The following PIK3CD variants were observed in gnomAD, a reference collection of about 807,000 sequenced individuals.
PIK3CD encodes the protein phosphatidylinositol-4,5-bisphosphate 3-kinase catalytic subunit delta, also known as phosphatidylinositol 4,5-bisphosphate 3-kinase catalytic subunit delta isoform.
PIK3CD carries 20 observed loss-of-function variants against 122.9 expected under a neutral mutation model. The observed-to-expected ratio is 0.16, with a 90% CI of 0.11 to 0.24. The LOEUF (loss-of-function observed/expected upper bound fraction) is 0.24, where lower values mean the gene tolerates loss of function less well. Ranked by LOEUF, PIK3CD falls within the 10% of genes least tolerant of loss-of-function variation. The pLI, the probability that PIK3CD is intolerant of heterozygous loss-of-function variation, is 1.00. For synonymous variants in PIK3CD, 596 were observed against 593.4 expected, an observed-to-expected ratio of 1.00 and a Z score of -0.06; for missense variants, 787 against 1,406.3, an observed-to-expected ratio of 0.56 and a Z score of 7.04.
Position 9,720,005 on chromosome 1 carries a change from C to T in PIK3CD, c.1327C>T (p.Pro443Ser), listed in dbSNP as rs1648245824. Residue 443 changes from proline (P) to serine (S), a missense_variant, in exon 10 of 24, where the codon CCC (proline) becomes TCC (serine). Around this residue, in one of 6 missense-constraint regions of PIK3CD, gnomAD observed 592 missense variants for 920.6 expected, o/e 0.64. Transcript: ENST00000377346. The surrounding 1 kb of genome is among the most constrained non-coding windows in gnomAD (Gnocchi z 9.0). Reference sequence around the variant, plus strand: ...CGGGGAACGCTGCCTCTACATGTGGCCCTCCGTCCCAGGTCGGCCCAGGCC... The same window carrying T: ...CGGGGAACGCTGCCTCTACATGTGGTCCTCCGTCCCAGGTCGGCCCAGGCC... Reference protein sequence around the residue: ...KTGERCLYMWPSVPDEKGELL... With the variant: ...KTGERCLYMWSSVPDEKGELL... The T allele has an allele frequency of 6.2e-7, 1 of 1,613,508 alleles. No individual in the cohort carries two copies. The highest frequency in any genetic ancestry group is 8.5e-7 in the Non-Finnish European group (1 of 1,180,000).
Position 9,717,414 on chromosome 1 carries a change from C to T in PIK3CD, c.931-123C>T, listed in dbSNP as rs1306583801. The T allele has an allele frequency of 1.7e-5, 17 of 1,023,082 alleles. No homozygotes were observed. In the East Asian group the frequency reaches 2.0e-4, roughly 12 times the overall value. The allele number at this position is 1,023,082 out of a possible 1,614,324, so 63.4% of individuals were successfully genotyped here. A position where few individuals can be genotyped will look rare whatever the true frequency, so the allele number is the denominator to read the frequency against. ...GAAAGGATAGCATTGTGGACAGGCC[C>T]AAACCTGGCCGCAAACCTGTGACCC... On this transcript the variant is annotated intron_variant, in intron 7 of 23. Coordinates refer to ENST00000377346, the MANE Select transcript of PIK3CD (RefSeq NM_005026.5). The surrounding 1 kb of genome is among the most constrained non-coding windows in gnomAD (Gnocchi z 5.4).
Position 9,689,479 on chromosome 1 carries a change from C to G in PIK3CD, c.-137-1988C>G, listed in dbSNP as rs1235824529. On this transcript the variant is annotated intron_variant, in intron 1 of 23. Coordinates refer to ENST00000377346, the MANE Select transcript of PIK3CD (RefSeq NM_005026.5). The surrounding 1 kb of genome is among the most constrained non-coding windows in gnomAD (Gnocchi z 6.1). ...CCCGGCCCCGCCCCAGCCCCGAGGACGCCCCGCCCCCAGCCGGCGCCCCGC... is the reference window on the plus strand; with the variant it reads ...CCCGGCCCCGCCCCAGCCCCGAGGAGGCCCCGCCCCCAGCCGGCGCCCCGC... Among the ~76,000 whole-genome samples, 4 of 143,128 alleles carry G rather than the reference C, an allele frequency of 2.8e-5. No individual in the cohort carries two copies. In the East Asian group the frequency reaches 8.1e-4, roughly 29 times the overall value. The allele number at this position is 143,128 out of a possible 152,430, so 93.9% of individuals were successfully genotyped here.
chr1:9,707,551 C>A (rs1646886350), intron 2 of PIK3CD, among the ~76,000 whole-genome samples: 1 of 151,910 alleles, frequency 6.6e-6, no homozygotes, highest in South Asian at 2.1e-4. Context: ...GTGTGCTGTT[C>A]CCCTCTGTGT....
chr1:9,689,403 T>A lies in PIK3CD; in HGVS notation c.-137-2064T>A, dbSNP rs1271160415. Reference sequence around the variant, plus strand: ...CCGCCCGTGTGAGCTCGGGCGCTTCTCCCGGCTGGGGGTGTGAGAATTTGC... The same window carrying A: ...CCGCCCGTGTGAGCTCGGGCGCTTCACCCGGCTGGGGGTGTGAGAATTTGC... On this transcript the variant is annotated intron_variant, in intron 1 of 23. Transcript: ENST00000377346. The surrounding 1 kb of genome is among the most constrained non-coding windows in gnomAD (Gnocchi z 6.1). Among the ~76,000 whole-genome samples, 1 of 151,406 alleles carries A rather than the reference T, an allele frequency of 6.6e-6. No homozygotes were observed. The highest frequency in any genetic ancestry group is 1.5e-5 in the Non-Finnish European group (1 of 67,766).
intron 1 of PIK3CD, among the ~76,000 whole-genome samples, chr1:9,667,739 CT>C (rs367559680): frequency 0.069 from 9,450 of 136,830 alleles, 367 homozygotes; most frequent in South Asian, 0.15. Flanking sequence ...TTTTCTTTTT[CT>C]TTTTTTTTTT....
chr1:9,711,029 C>T (rs1647032362), intron 3 of PIK3CD, among the ~76,000 whole-genome samples: 1 of 152,208 alleles, frequency 6.6e-6, no homozygotes. Context: ...AGGTGATCCA[C>T]CTGCCTCGGC....
chr1:9,695,247 A>T (rs1383484335), intron 2 of PIK3CD, among the ~76,000 whole-genome samples: 1 of 152,056 alleles, frequency 6.6e-6, no homozygotes, highest in Non-Finnish European at 1.5e-5. Flanking sequence ...ATATAGAAAA[A>T]TTTGACTTCA....
In PIK3CD at chr1:9,717,630, G is replaced by A. The variant is rs745318482; in HGVS notation, c.1020+4G>A. 5.0e-6 allele frequency: 8 copies of A among 1,613,804 alleles called. No individual in the cohort carries two copies. In the South Asian group the frequency reaches 7.7e-5, roughly 16 times the overall value. On this transcript the variant is annotated splice_donor_region_variant and intron_variant, in intron 8 of 23. Transcript: ENST00000377346. The surrounding 1 kb of genome is among the most constrained non-coding windows in gnomAD (Gnocchi z 5.4). Reference sequence around the variant, plus strand: ...GAACGCCGACGAGCGGATGAAGGTGGGGCTCCTGGGATAGGTGGGAGAGAC... The same window carrying A: ...GAACGCCGACGAGCGGATGAAGGTGAGGCTCCTGGGATAGGTGGGAGAGAC...
the PIK3CD span, among the ~76,000 whole-genome samples, chr1:9,628,028 G>A: frequency 1.3e-5 from 2 of 152,196 alleles, no homozygotes; most frequent in Non-Finnish European, 2.9e-5. Context: ...CAGCCTGGGC[G>A]ACAGAGCGAG....
At chr1:9,685,017 A>G (rs1645915501) in intron 1 of PIK3CD, among the ~76,000 whole-genome samples, 1 of 151,942 alleles carries the variant, frequency 6.6e-6, no homozygotes, top group Non-Finnish European at 1.5e-5. Context: ...AGAATTGAGG[A>G]AGGAAAGAAG....
chr1:9,671,676 A>T (rs915784156), intron 1 of PIK3CD, among the ~76,000 whole-genome samples: 1 of 151,638 alleles, frequency 6.6e-6, no homozygotes, highest in African/African-American at 2.4e-5. Context: ...GAATTCCTGG[A>T]CTCAAGAGAT....
intron 23 of PIK3CD, 115 bp from the exon 24 acceptor site, chr1:9,726,794 T>TG: frequency 7.6e-7 from 1 of 1,316,198 alleles, no homozygotes; most frequent in Admixed American, 2.0e-5. Context: ...CCTGAGATGC[T>TG]GGGAGCTCTC....
At chr1:9,649,267 A>G (rs772485705), upstream of PIK3CD, among the ~76,000 whole-genome samples, 2 of 149,712 alleles carry the variant, frequency 1.3e-5, no homozygotes, top group Non-Finnish European at 3.0e-5. Context: ...ATCTCACTCC[A>G]TCACCCAGGC....
intron 3 of PIK3CD, among the ~76,000 whole-genome samples, chr1:9,712,134 C>T (rs943288795): frequency 6.6e-6 from 1 of 151,918 alleles, no homozygotes; most frequent in Non-Finnish European, 1.5e-5. Flanking sequence ...ACTACTGAGT[C>T]AAAGGATTAA....
intron 2 of PIK3CD, among the ~76,000 whole-genome samples, chr1:9,703,106 C>G (rs1172278516): frequency 2.0e-5 from 3 of 152,204 alleles, no homozygotes; most frequent in Non-Finnish European, 2.9e-5. Flanking sequence ...CCCCTAAAGA[C>G]AGCAAACAGT....
At position 9,700,462 on chromosome 1, in the gene PIK3CD, A is replaced by C. The variant is rs1375765141; in HGVS notation, c.-33+8891A>C. 6.6e-6 allele frequency among the ~76,000 whole-genome samples: 1 copy of C among 152,094 alleles called. No individual in the cohort carries two copies. The highest frequency in any genetic ancestry group is 1.5e-5 in the Non-Finnish European group (1 of 68,016). On this transcript the variant is annotated intron_variant, in intron 2 of 23. Transcript: ENST00000377346. The surrounding 1 kb of genome is among the most constrained non-coding windows in gnomAD (Gnocchi z 5.1). ...GGCCAGGAGGTGGGAAGGTGAAAGGAATTGTGTTCTTATCCTGTTTCCTTG... is the reference window on the plus strand; with the variant it reads ...GGCCAGGAGGTGGGAAGGTGAAAGGCATTGTGTTCTTATCCTGTTTCCTTG...
At position 9,722,992 on chromosome 1, in the gene PIK3CD, A is replaced by C; in HGVS notation, c.2427-133A>C. 1.1e-6 allele frequency: 1 copy of C among 897,706 alleles called. No homozygotes were observed. The highest frequency in any genetic ancestry group is 2.4e-5 in the East Asian group (1 of 41,596). The allele number at this position is 897,706 out of a possible 1,614,324, so 55.6% of individuals were successfully genotyped here. On this transcript the variant is annotated intron_variant, in intron 19 of 23. Coordinates refer to ENST00000377346, the MANE Select transcript of PIK3CD (RefSeq NM_005026.5). The surrounding 1 kb of genome is among the most constrained non-coding windows in gnomAD (Gnocchi z 7.6). ...CATCTCCAAGGAGCCAGCATCTCTCACCTGCTTTTTAGCAATGTGGGCAGC... is the reference window on the plus strand; with the variant it reads ...CATCTCCAAGGAGCCAGCATCTCTCCCCTGCTTTTTAGCAATGTGGGCAGC...
chr1:9,721,863 G>GAGGCCCA lies in PIK3CD; in HGVS notation c.2055+10_2055+16dup. ...ACATGAAGGTGCTGATGAAGCAGGT[G>GAGGCCCA]AGGCCCAAGGCCCTGGGGGGCGGGC... On this transcript the variant is annotated splice_donor_region_variant and intron_variant, in intron 16 of 23. Transcript: ENST00000377346. 1 of 1,613,016 alleles carries GAGGCCCA rather than the reference G, an allele frequency of 6.2e-7. No individual in the cohort carries two copies. The highest frequency in any genetic ancestry group is 8.5e-7 in the Non-Finnish European group (1 of 1,179,896).
the PIK3CD span, among the ~76,000 whole-genome samples, chr1:9,636,867 C>T: frequency 3.3e-5 from 5 of 151,964 alleles, no homozygotes; most frequent in Non-Finnish European, 4.4e-5. Context: ...GGCAAGTTAC[C>T]TATGGCATGG....
Sources: gnomAD v4.1 joint callset for allele counts (sites outside exome capture counted in the v4.1 genomes callset) on GRCh38, gnomAD v4.1.1 for gene constraint, gnomAD v4.1.1 regional missense constraint, Gnocchi (gnomAD v3.1) non-coding constraint, MANE v1.5 for transcripts, NCBI Gene and HGNC (gene_info 2026-07-23, HGNC 2026-07-21) for gene names.